MICU1: variants seen among roughly 807,000 people sequenced by gnomAD.
The protein encoded by MICU1 is mitochondrial calcium uptake 1.
MICU1 carries 45 observed loss-of-function variants against 56.8 expected under a neutral mutation model. That is an observed-to-expected ratio of 0.79 (90% CI 0.62 to 1.02). The LOEUF (loss-of-function observed/expected upper bound fraction) is 1.02, where lower values mean the gene tolerates loss of function less well. Ranked by LOEUF, MICU1 falls within the 50% of genes least tolerant of loss-of-function variation. MICU1 has a pLI of 0.00. For missense variants in MICU1, 504 were observed against 587.1 expected (o/e 0.86, Z 1.46); for synonymous variants, 186 against 195.1 (o/e 0.95, Z 0.39).
intron 9 of MICU1, 99 bp from the exon 10 acceptor site, chr10:72,408,136 C>A: frequency 1.4e-6 from 1 of 699,140 alleles, no homozygotes; most frequent in Non-Finnish European, 2.5e-6. Flanking sequence ...GAAATTCATG[C>A]TCATGTCTAG....
intron 8 of MICU1, among the ~76,000 whole-genome samples, chr10:72,456,872 TGTGTGTGTGTGTGTGTGTGTGTG>T (rs1166091703): frequency 2.4e-5 from 1 of 40,934 alleles, no homozygotes; most frequent in Non-Finnish European, 8.4e-5. Context: ...TGTGTGTGTG[TGTGTGTGTGTGTGTGTGTGTGTG>T]TGTGTGTTTT....
chr10:72,369,297 C>T (rs546614836), intron 11 of MICU1, among the ~76,000 whole-genome samples: 4 of 142,472 alleles, frequency 2.8e-5, no homozygotes, highest in East Asian at 2.0e-4. Context: ...GAGACCATGT[C>T]TCTTGGAAAA....
At chr10:72,580,232 T>C (rs1291367866) in intron 1 of MICU1, among the ~76,000 whole-genome samples, 1 of 152,166 alleles carries the variant, frequency 6.6e-6, no homozygotes, top group Non-Finnish European at 1.5e-5. Context: ...TTGTTTTCAA[T>C]GTAAAATAAT....
chr10:72,499,500 A>G (rs1866955561), intron 6 of MICU1, among the ~76,000 whole-genome samples: 1 of 152,236 alleles, frequency 6.6e-6, no homozygotes, highest in Non-Finnish European at 1.5e-5. Flanking sequence ...TGGCCTTACA[A>G]TATGCAAATG....
chr10:72,472,817 T>A (rs551109961), intron 8 of MICU1, among the ~76,000 whole-genome samples: 19 of 152,248 alleles, frequency 1.2e-4, no homozygotes, highest in African/African-American at 4.1e-4. Context: ...AACATCAGCA[T>A]GGCTGGGAGT....
intron 2 of MICU1, 122 bp downstream of exon 2, chr10:72,566,511 C>A: frequency 2.0e-6 from 2 of 995,462 alleles, no homozygotes; most frequent in Non-Finnish European, 2.9e-6. Context: ...TTAACAATAC[C>A]AAATGATCCG....
At chr10:72,539,490 T>A (rs1839715638) in intron 4 of MICU1, among the ~76,000 whole-genome samples, 1 of 152,114 alleles carries the variant, frequency 6.6e-6, no homozygotes, top group African/African-American at 2.4e-5. Context: ...TCCTGAATAA[T>A]GGGTCAATGA....
At chr10:72,536,692 T>G (rs879936428) in intron 4 of MICU1, among the ~76,000 whole-genome samples, 28 of 152,278 alleles carry the variant, frequency 1.8e-4, no homozygotes, top group Admixed American at 3.3e-4. Flanking sequence ...AAGAAACAAG[T>G]GAAATTAATT....
chr10:72,615,778 C>G (rs1841963206), intron 1 of MICU1, among the ~76,000 whole-genome samples: 1 of 152,070 alleles, frequency 6.6e-6, no homozygotes, highest in African/African-American at 2.4e-5. Flanking sequence ...ATCACAAGGT[C>G]AGGAGATCGA....
intron 8 of MICU1, among the ~76,000 whole-genome samples, chr10:72,442,416 T>C (rs1864965950): frequency 6.6e-6 from 1 of 152,120 alleles, no homozygotes; most frequent in Admixed American, 6.5e-5. Flanking sequence ...AGTGCTAGGA[T>C]TACAAGCGTG....
chr10:72,513,476 T>C (rs1867548231), intron 5 of MICU1, among the ~76,000 whole-genome samples: 1 of 152,248 alleles, frequency 6.6e-6, no homozygotes, highest in Non-Finnish European at 1.5e-5. Context: ...ATCATAGACA[T>C]ATCTGCAAAT....
chr10:72,509,801 A>T (rs945010189), intron 5 of MICU1, among the ~76,000 whole-genome samples: 8 of 152,340 alleles, frequency 5.3e-5, no homozygotes, highest in African/African-American at 1.9e-4. Flanking sequence ...GAGACTGAAC[A>T]GAAATTTCAG....
intron 6 of MICU1, among the ~76,000 whole-genome samples, chr10:72,481,408 G>GT (rs900280916): frequency 6.6e-5 from 10 of 151,730 alleles, no homozygotes; most frequent in African/African-American, 1.9e-4. Context: ...TTTTTGTTTT[G>GT]TTTTTTGTTT....
intron 1 of MICU1, among the ~76,000 whole-genome samples, chr10:72,613,642 T>G (rs1841909160): frequency 6.6e-6 from 1 of 152,090 alleles, no homozygotes; most frequent in South Asian, 2.1e-4. Context: ...AACTACATTA[T>G]CAAATTTATT....
At chr10:72,380,598 G>C (rs1862670354) in intron 10 of MICU1, among the ~76,000 whole-genome samples, 1 of 152,188 alleles carries the variant, frequency 6.6e-6, no homozygotes, top group Non-Finnish European at 1.5e-5. Flanking sequence ...CTGAAGTGAT[G>C]AGAGCCCAAA....
In MICU1 at chr10:72,402,731, T is replaced by G. The variant is rs868709379; in HGVS notation, c.1180+5198A>C. Among the ~76,000 whole-genome samples, 13 of 152,298 alleles carry G rather than the reference T, an allele frequency of 8.5e-5. No homozygotes were observed. The South Asian group carries it at 1.5e-3, about 17-fold the overall frequency. On this transcript the variant is annotated intron_variant, in intron 10 of 11. Coordinates refer to ENST00000361114, the MANE Select transcript of MICU1 (RefSeq NM_001195518.2). The stretch of plus-strand genomic sequence containing the variant: ...AGTAAAAGAATTCACTGCTAGCAGA[T>G]CTGCACTACAGGAAATGATAAAGGA...
intron 5 of MICU1, among the ~76,000 whole-genome samples, chr10:72,517,024 G>T (rs887905238): frequency 6.6e-6 from 1 of 152,132 alleles, no homozygotes; most frequent in Non-Finnish European, 1.5e-5. Context: ...AAACTCTGAG[G>T]AAGATTCTTA....
chr10:72,602,694 T>C (rs995785040), intron 1 of MICU1, among the ~76,000 whole-genome samples: 2 of 152,232 alleles, frequency 1.3e-5, no homozygotes, highest in African/African-American at 2.4e-5. Flanking sequence ...TAATACATTA[T>C]AAATACCATT....
At chr10:72,441,676 G>A (rs1864939511) in intron 8 of MICU1, among the ~76,000 whole-genome samples, 1 of 142,858 alleles carries the variant, frequency 7.0e-6, no homozygotes, top group Non-Finnish European at 1.5e-5. Flanking sequence ...GAGTGCAGTG[G>A]TACGATCTAG....
Sources: gnomAD v4.1 joint callset for allele counts (sites outside exome capture counted in the v4.1 genomes callset) on GRCh38, gnomAD v4.1.1 for gene constraint, MANE v1.5 for transcripts, NCBI Gene and HGNC (gene_info 2026-07-23, HGNC 2026-07-21) for gene names.